Variants in NCOA2 observed in about 807,000 individuals in gnomAD.
The protein encoded by NCOA2 is class E basic helix-loop-helix protein 75.
A neutral mutation model predicts 145.1 loss-of-function variants in NCOA2; 21 were observed. That is an observed-to-expected ratio of 0.14 (90% CI 0.10 to 0.21). The LOEUF (loss-of-function observed/expected upper bound fraction) is 0.21. NCOA2 is among the 10% of genes least tolerant of loss of function. The pLI, the probability that NCOA2 is intolerant of heterozygous loss-of-function variation, is 1.00. For synonymous variants in NCOA2, 619 were observed against 637.5 expected, an observed-to-expected ratio of 0.97 and a Z score of 0.44; for missense variants, 1,472 against 1,837.6, an observed-to-expected ratio of 0.80 and a Z score of 3.64.
intron 2 of NCOA2, among the ~76,000 whole-genome samples, chr8:70,262,735 A>C (rs1029941958): frequency 4.6e-5 from 7 of 152,210 alleles, no homozygotes; most frequent in African/African-American, 1.7e-4. Flanking sequence ...CTATAATTTC[A>C]GCCTTGATGC....
At chr8:70,375,009 C>T (rs902600747) in intron 1 of NCOA2, among the ~76,000 whole-genome samples, 4 of 151,734 alleles carry the variant, frequency 2.6e-5, no homozygotes, top group South Asian at 2.1e-4. Context: ...AGTCACCCTA[C>T]GTCTGCATTT....
At position 70,223,759 on chromosome 8, in the gene NCOA2, G is replaced by C. The variant is rs1820367385; in HGVS notation, c.-19-6995C>G. Among the ~76,000 whole-genome samples the C allele has an allele frequency of 2.0e-5, 3 of 152,256 alleles. No homozygotes were observed. The South Asian group carries it at 6.2e-4, about 32-fold the overall frequency. On this transcript the variant is annotated intron_variant, in intron 2 of 22. Coordinates refer to ENST00000452400, the MANE Select transcript of NCOA2 (RefSeq NM_006540.4). ...AGGTACACGAGAAATAAAGTAACTT[G>C]AACAAGGCCACACAGGAAGTCTTGG...
At position 70,216,669 on chromosome 8, in the gene NCOA2, A is replaced by G; in HGVS notation, c.77T>C (p.Leu26Pro). 1 of 1,612,438 alleles carries G rather than the reference A, an allele frequency of 6.2e-7. No homozygotes were observed. Among genetic ancestry groups the G allele is most frequent in the South Asian group, 1.1e-5 (1 of 91,056 alleles). ...TCAGCAAGAATCTAACCTGGGTCCAAGTTGGTCAGGACATTCCTTGCGCTT... is the reference window on the plus strand; with the variant it reads ...TCAGCAAGAATCTAACCTGGGTCCAGGTTGGTCAGGACATTCCTTGCGCTT... Reference protein sequence around the residue: ...TRKRKECPDQLGPSPKRNTEK... With the variant: ...TRKRKECPDQPGPSPKRNTEK... Residue 26 changes from leucine (L) to proline (P), a missense_variant, in exon 3 of 23, where the codon CTT becomes CCT. Transcript: ENST00000452400.
intron 1 of NCOA2, among the ~76,000 whole-genome samples, chr8:70,397,361 G>A: frequency 6.6e-6 from 1 of 151,500 alleles, no homozygotes; most frequent in Non-Finnish European, 1.5e-5. Flanking sequence ...GCTTAGGTGA[G>A]AGAATCGCTT....
In NCOA2 at chr8:70,320,962, A is replaced by AT. The variant is rs1467245636; in HGVS notation, c.-76-24163dup. Among the ~76,000 whole-genome samples the AT allele has an allele frequency of 2.0e-5, 3 of 152,150 alleles. No individual in the cohort carries two copies. The East Asian group carries it at 5.8e-4, about 29-fold the overall frequency. On this transcript the variant is annotated intron_variant, in intron 1 of 22. Coordinates refer to ENST00000452400, the MANE Select transcript of NCOA2 (RefSeq NM_006540.4). ...ATTTGCCTTTTGAAATCCTTTTATTATCACACTGATTAAATGAATGACTAC... is the reference window on the plus strand; with the variant it reads ...ATTTGCCTTTTGAAATCCTTTTATTATTCACACTGATTAAATGAATGACTAC...
intron 2 of NCOA2, among the ~76,000 whole-genome samples, chr8:70,230,586 C>T (rs1821048593): frequency 6.6e-6 from 1 of 152,216 alleles, no homozygotes; most frequent in Admixed American, 6.5e-5. Flanking sequence ...AGAAAACACA[C>T]TGGGGATTAC....
At chr8:70,205,994 C>T (rs961696056) in intron 4 of NCOA2, among the ~76,000 whole-genome samples, 10 of 152,192 alleles carry the variant, frequency 6.6e-5, no homozygotes, top group South Asian at 4.1e-4. Context: ...GATTCACCTC[C>T]CCCACCCTCT....
chr8:70,334,549 C>T (rs73288542), intron 1 of NCOA2, among the ~76,000 whole-genome samples: 5,123 of 152,230 alleles, frequency 0.034, 319 homozygotes, highest in African/African-American at 0.12. Flanking sequence ...CTCTGTCTTG[C>T]ATTTTAGTTA....
chr8:70,165,083 AAGCACAAAGTAATAAATTAGCTC>A (rs1813460976), intron 7 of NCOA2, among the ~76,000 whole-genome samples: 1 of 152,224 alleles, frequency 6.6e-6, no homozygotes, highest in South Asian at 2.1e-4. Flanking sequence ...AATGTTTATA[AAGCACAAAGTAATAAATTAGCTC>A]AGCTATTCCT....
chr8:70,320,763 ATC>A (rs1419927424), intron 1 of NCOA2, among the ~76,000 whole-genome samples: 1 of 152,180 alleles, frequency 6.6e-6, no homozygotes, highest in Non-Finnish European at 1.5e-5. Flanking sequence ...AGGAGTATTG[ATC>A]TGCTCTTAAT....
chr8:70,332,531 C>T (rs1208677434), intron 1 of NCOA2, among the ~76,000 whole-genome samples: 1 of 152,104 alleles, frequency 6.6e-6, no homozygotes, highest in Non-Finnish European at 1.5e-5. Flanking sequence ...TCCCCTTTGA[C>T]TATTTTAGTC....
At chr8:70,250,038 C>G in intron 2 of NCOA2, among the ~76,000 whole-genome samples, 1 of 149,868 alleles carries the variant, frequency 6.7e-6, no homozygotes, top group Non-Finnish European at 1.5e-5. Flanking sequence ...CTGGGTGAGA[C>G]CAGAGGTCAT....
chr8:70,416,318 C>G, the NCOA2 span, among the ~76,000 whole-genome samples: 1 of 151,520 alleles, frequency 6.6e-6, no homozygotes, highest in Non-Finnish European at 1.5e-5. Context: ...TTTGGCCAAA[C>G]AACTGGGCAC....
chr8:70,241,799 G>A (rs966247088), intron 2 of NCOA2, among the ~76,000 whole-genome samples: 2 of 152,090 alleles, frequency 1.3e-5, no homozygotes, highest in African/African-American at 4.8e-5. Flanking sequence ...ATATATGTAA[G>A]GTCCATAGAA....
chr8:70,292,237 C>G (rs1252208595), intron 2 of NCOA2, among the ~76,000 whole-genome samples: 1 of 151,836 alleles, frequency 6.6e-6, no homozygotes, highest in Non-Finnish European at 1.5e-5. Flanking sequence ...ACTGCAACCT[C>G]CACCTCCTGG....
rs1810392104 is a variant in NCOA2 at position 70,141,301 on chromosome 8, C to T, written c.2911G>A (p.Ala971Thr). The T allele has an allele frequency of 6.2e-7, 1 of 1,613,802 alleles. No homozygotes were observed. Among genetic ancestry groups the T allele is most frequent in the South Asian group, 1.1e-5 (1 of 91,060 alleles). Residue 971 changes from alanine to threonine, a missense_variant, in exon 14 of 23, where the codon GCC (alanine) becomes ACC (threonine). Ala to Thr is a moderately conservative substitution (Grantham distance 58, BLOSUM62 0). This residue lies in a region of NCOA2 where 953 missense variants were observed against 1,062.1 expected (regional missense o/e 0.90). Transcript: ENST00000452400. ...VRVTCAATTS[A>T]MNRPVQGGMI... Reference sequence around the variant, plus strand: ...CCTCCTTGGACTGGCCGGTTCATGGCACTGGTGGTAGCAGCACAGGTGACT... The same window carrying T: ...CCTCCTTGGACTGGCCGGTTCATGGTACTGGTGGTAGCAGCACAGGTGACT...
intron 2 of NCOA2, among the ~76,000 whole-genome samples, chr8:70,241,314 C>T (rs7004705): frequency 0.029 from 4,371 of 152,208 alleles, 219 homozygotes; most frequent in African/African-American, 0.098. Flanking sequence ...AATCTCATGG[C>T]AATTCATAGT....
intron 2 of NCOA2, among the ~76,000 whole-genome samples, chr8:70,225,527 C>A (rs555963924): frequency 2.0e-5 from 3 of 147,002 alleles, no homozygotes; most frequent in African/African-American, 7.6e-5. Flanking sequence ...CCAGCCTGGG[C>A]GACAGAGTGA....
intron 1 of NCOA2, among the ~76,000 whole-genome samples, chr8:70,342,821 A>G (rs1808266986): frequency 1.5e-5 from 2 of 130,102 alleles, no homozygotes; most frequent in African/African-American, 6.1e-5. Flanking sequence ...ACACACACAC[A>G]TCCCTACATG....
Sources: gnomAD v4.1 joint callset for allele counts (sites outside exome capture counted in the v4.1 genomes callset) on GRCh38, gnomAD v4.1.1 for gene constraint, gnomAD v4.1.1 regional missense constraint, MANE v1.5 for transcripts, NCBI Gene and HGNC (gene_info 2026-07-23, HGNC 2026-07-21) for gene names.